The following PHGDH variants were observed in gnomAD, a reference collection of about 807,000 sequenced individuals.
The protein encoded by PHGDH is D-3-phosphoglycerate dehydrogenase.
PHGDH carries 50 observed loss-of-function variants against 52.6 expected under a neutral mutation model. The ratio of observed to expected loss-of-function variants is 0.95; its 90% confidence interval spans 0.76 to 1.20. PHGDH has a LOEUF of 1.20. PHGDH is among the 50% of genes most tolerant of loss of function. The probability of loss-of-function intolerance (pLI) is 0.00; values close to 1 mark genes in which losing one functional copy is unlikely to be tolerated. For synonymous variants in PHGDH, 271 were observed against 280.5 expected (o/e 0.97, Z 0.34); for missense variants, 630 against 684.6 (o/e 0.92, Z 0.89).
chr1:119,712,996 A>G (rs922258988), intron 1 of PHGDH: 1 of 152,154 alleles, frequency 6.6e-6, no homozygotes, highest in African/African-American at 2.4e-5. Context: ...GCAAATTTTT[A>G]TCTCCTTTTG....
At chr1:119,718,712 TG>T (rs1211664128) in intron 1 of PHGDH, among the ~76,000 whole-genome samples, 1 of 152,192 alleles carries the variant, frequency 6.6e-6, no homozygotes, top group East Asian at 1.9e-4. Flanking sequence ...AAGCAACTGG[TG>T]TAATGCCTAG....
chr1:119,730,082 A>G (rs1320946489), intron 5 of PHGDH: 3 of 152,152 alleles, frequency 2.0e-5, no homozygotes, highest in African/African-American at 4.8e-5. Flanking sequence ...CAACCACGTC[A>G]TTATCATACT....
At chr1:119,736,798 G>A (rs1435084294) in intron 7 of PHGDH, among the ~76,000 whole-genome samples, 1 of 152,248 alleles carries the variant, frequency 6.6e-6, no homozygotes, top group African/African-American at 2.4e-5. Context: ...AATGTTATGA[G>A]GGAGATAGGA....
intron 1 of PHGDH, among the ~76,000 whole-genome samples, chr1:119,717,244 A>AAAAAAAAAAAAAAAAAAAAAAAAT (rs1650976121): frequency 6.7e-6 from 1 of 149,514 alleles, no homozygotes. Flanking sequence ...AAAAAAAAAA[A>AAAAAAAAAAAAAAAAAAAAAAAAT]AAAAAAAAAA....
intron 3 of PHGDH, chr1:119,724,599 C>T: frequency 2.7e-6 from 1 of 369,196 alleles, no homozygotes; most frequent in Non-Finnish European, 5.2e-6. Context: ...GAGTGTCTCT[C>T]CCCCTGGAGA....
At chr1:119,728,161 G>C (rs1378422292) in intron 5 of PHGDH, among the ~76,000 whole-genome samples, 1 of 152,124 alleles carries the variant, frequency 6.6e-6, no homozygotes, top group African/African-American at 2.4e-5. Context: ...AGCTTTGCTT[G>C]AATGAGCTCA....
chr1:119,712,886 A>G (rs587725785), intron 1 of PHGDH, among the ~76,000 whole-genome samples: 3 of 152,378 alleles, frequency 2.0e-5, no homozygotes, highest in South Asian at 4.1e-4. Context: ...GCTGGGGTCC[A>G]GATTTAGCCT....
chr1:119,719,519 A>AG (rs1397102831), intron 1 of PHGDH: 2 of 152,232 alleles, frequency 1.3e-5, no homozygotes, highest in Non-Finnish European at 2.9e-5. Context: ...TGGTAGGCAC[A>AG]GCCCCCAAGC....
In PHGDH at chr1:119,723,403, C is replaced by T. The variant is rs115747918; in HGVS notation, c.318C>T (p.Ala106=). ...MNTPNGNSLS[A]AELTCGMIMC... ...CCCCCAATGGGAACAGCCTCAGTGC[C>T]GCAGAACTCACTTGTGGAATGATCA... is the stretch of plus-strand genomic sequence containing the variant. Residue 106 remains alanine (A), a synonymous_variant, in exon 3 of 12, where the codon GCC becomes GCT. Coordinates refer to ENST00000641023, the MANE Select transcript of PHGDH (RefSeq NM_006623.4). The T allele has an allele frequency of 2.1e-3, 3,377 of 1,613,856 alleles. 61 individuals carry two copies. The African/African-American group carries it at 0.041, about 20-fold the overall frequency.
intron 5 of PHGDH, among the ~76,000 whole-genome samples, chr1:119,734,013 T>C (rs1651819066): frequency 6.6e-6 from 1 of 152,152 alleles, no homozygotes; most frequent in Non-Finnish European, 1.5e-5. Flanking sequence ...AGGTCAGGCT[T>C]CCTGATTTAG....
At position 119,744,204 on chromosome 1, in the gene PHGDH, G is replaced by A; in HGVS notation, c.*164G>A. On this transcript the variant is annotated 3_prime_UTR_variant, in exon 12 of 12. Coordinates refer to ENST00000641023, the MANE Select transcript of PHGDH (RefSeq NM_006623.4). ...TACAGCAATAACCGTCTAATAAAGA[G>A]CCTACCCCCAACTCCTTCTGCACTT... 1.4e-6 allele frequency: 1 copy of A among 704,280 alleles called. No individual in the cohort carries two copies. The highest frequency in any genetic ancestry group is 2.5e-6 in the Non-Finnish European group (1 of 394,690). The allele number at this position is 704,280 out of a possible 1,614,324, so 43.6% of individuals were successfully genotyped here.
Position 119,724,668 on chromosome 1 carries a change from T to TTG in PHGDH, c.356+1228_356+1229insGT, listed in dbSNP as rs1189541825. The TTG allele has an allele frequency of 6.5e-5, 25 of 383,964 alleles. 1 individual carries two copies. The highest frequency in any genetic ancestry group is 4.9e-4 in the South Asian group (24 of 49,256). The allele number at this position is 383,964 out of a possible 1,614,324, so 23.8% of individuals were successfully genotyped here. On this transcript the variant is annotated intron_variant, in intron 3 of 11. Transcript: ENST00000641023. ...GCTATTACCTTCAGGGATTTTTTTT[T>TTG]TTTTTTTTGAGTAAGGGAAAAGATC...
intron 10 of PHGDH, chr1:119,742,199 C>A: frequency 2.2e-6 from 1 of 445,486 alleles, no homozygotes; most frequent in African/African-American, 2.0e-5. Context: ...ACATGGCTGC[C>A]AGGCCATGTT....
chr1:119,741,250 G>A (rs1165733133), intron 9 of PHGDH, among the ~76,000 whole-genome samples: 1 of 152,192 alleles, frequency 6.6e-6, no homozygotes, highest in African/African-American at 2.4e-5. Context: ...ATTGCAGGGA[G>A]AGGGCAGCTA....
At chr1:119,740,624 T>C in intron 9 of PHGDH, 106 bp downstream of exon 9, 1 of 996,638 alleles carries the variant, frequency 1.0e-6, no homozygotes. Context: ...TGAGAGGCAG[T>C]GAGGGTGCCT....
chr1:119,729,037 C>T (rs587637453), intron 5 of PHGDH, among the ~76,000 whole-genome samples: 83 of 152,276 alleles, frequency 5.5e-4, no homozygotes, highest in African/African-American at 1.9e-3. Context: ...TGGTGAGCAT[C>T]CCATTGTACA....
rs1651459413 is a variant in PHGDH, at chr1:119,727,057, G to C, written c.465G>C (p.Arg155Ser). 6.2e-7 allele frequency: 1 copy of C among 1,613,312 alleles called. No homozygotes were observed. The highest frequency in any genetic ancestry group is 8.5e-7 in the Non-Finnish European group (1 of 1,179,316). Residue 155 changes from arginine (R) to serine (S), a missense_variant, in exon 5 of 12, where the codon AGG becomes AGC. Coordinates refer to ENST00000641023, the MANE Select transcript of PHGDH (RefSeq NM_006623.4). The part of the protein sequence containing the change: ...GKTLGILGLG[R>S]IGREVATRMQ... ...CCCTGGGAATTCTTGGCCTGGGCAG[G>C]ATTGGGAGAGAGGTAGCTACCCGGA...
chr1:119,735,510 G>GGAAAGCCTGGCGTTTTACA, intron 7 of PHGDH, 67 bp downstream of exon 7: 1 of 1,490,704 alleles, frequency 6.7e-7, no homozygotes, highest in East Asian at 2.3e-5. Flanking sequence ...CCCATGGCAG[G>GGAAAGCCTGGCGTTTTACA]GAAAGCCTGG....
At chr1:119,718,087 C>T (rs943668584) in intron 1 of PHGDH, among the ~76,000 whole-genome samples, 1 of 152,208 alleles carries the variant, frequency 6.6e-6, no homozygotes, top group African/African-American at 2.4e-5. Context: ...CCCCAGTAGG[C>T]AGGCTGGCTG....
Sources: allele counts gnomAD v4.1 joint callset (sites outside exome capture counted in the v4.1 genomes callset), GRCh38; gene constraint gnomAD v4.1.1; transcripts MANE v1.5; gene names NCBI Gene and HGNC (gene_info 2026-07-23, HGNC 2026-07-21).